The following HK1 variants were observed in gnomAD, a reference collection of about 807,000 sequenced individuals.
HK1 encodes hexokinase-1.
A neutral mutation model predicts 91.6 loss-of-function variants in HK1; 28 were observed. The ratio of observed to expected loss-of-function variants is 0.31; its 90% confidence interval spans 0.23 to 0.42. The LOEUF (loss-of-function observed/expected upper bound fraction) is 0.42. Ranked by LOEUF, HK1 falls within the 10% of genes least tolerant of loss-of-function variation. HK1 has a pLI of 1.00. For missense variants in HK1, 770 were observed against 1,219.8 expected, an observed-to-expected ratio of 0.63 and a Z score of 5.49; for synonymous variants, 430 against 468.1, an observed-to-expected ratio of 0.92 and a Z score of 1.05.
chr10:69,356,101 C>T (rs72807721), intron 2 of HK1, among the ~76,000 whole-genome samples: 4,634 of 152,202 alleles, frequency 0.03, 111 homozygotes, highest in African/African-American at 0.058. Flanking sequence ...ACTCCAAAAG[C>T]ACAAACAATA....
In HK1 at chr10:69,389,184, T is replaced by G; in HGVS notation, c.1936-13T>G. The G allele has an allele frequency of 6.2e-7, 1 of 1,608,514 alleles. No individual in the cohort carries two copies. The highest frequency in any genetic ancestry group is 1.1e-5 in the South Asian group (1 of 90,888). On this transcript the variant is annotated splice_polypyrimidine_tract_variant and intron_variant, in intron 13 of 17. Transcript: ENST00000359426. ...GATCCTATTCCTAAAGCTGTGTCCC[T>G]TTCTTTGCAAAGGAATTTGACCTGG...
In HK1 at chr10:69,326,043, C is replaced by T. The variant is rs547751766; in HGVS notation, c.63+7033C>T. 4.6e-5 allele frequency among the ~76,000 whole-genome samples: 7 copies of T among 151,754 alleles called. No individual in the cohort carries two copies. The South Asian group carries it at 1.5e-3, about 32-fold the overall frequency. ...TAGAGACGGGGTTTCACCGTGTTGG[C>T]CAGGCTGGTCTTGAATTCCTGACCT... On this transcript the variant is annotated intron_variant, in intron 1 of 17. Transcript: ENST00000359426.
chr10:69,373,721 G>T (rs1440972558), intron 7 of HK1, among the ~76,000 whole-genome samples: 1 of 151,890 alleles, frequency 6.6e-6, no homozygotes, highest in Non-Finnish European at 1.5e-5. Context: ...CTCCTGAGTA[G>T]CTGGGACCAC....
intron 2 of HK1, among the ~76,000 whole-genome samples, chr10:69,346,548 A>G (rs72807707): frequency 0.032 from 4,877 of 150,204 alleles, 132 homozygotes; most frequent in African/African-American, 0.064. Flanking sequence ...TGTTTTTGGT[A>G]TTTTGTAGAG....
At chr10:69,378,827 C>T (rs944149884) in intron 8 of HK1, among the ~76,000 whole-genome samples, 2 of 152,204 alleles carry the variant, frequency 1.3e-5, no homozygotes, top group Non-Finnish European at 2.9e-5. Context: ...CTCCTATTCT[C>T]GTATTACCTT....
chr10:69,373,760 T>A (rs919316958), intron 7 of HK1, among the ~76,000 whole-genome samples: 9 of 152,028 alleles, frequency 5.9e-5, no homozygotes, highest in African/African-American at 2.2e-4. Flanking sequence ...TGGCTAATTT[T>A]AAAATTTTTT....
In HK1 at chr10:69,369,701, A is replaced by C. The variant is rs74138365; in HGVS notation, c.875+77A>C. ...GATGAAAGATTTGGGATGGGAGATG[A>C]AAAGGGCATAAAGCCAAGTGATCAC... On this transcript the variant is annotated intron_variant, in intron 7 of 17. Transcript: ENST00000359426. This position sits in a 1 kb window ranked among gnomAD's most constrained non-coding sequence, Gnocchi z 4.4. The C allele has an allele frequency of 3.2e-3, 4,278 of 1,328,420 alleles. 94 individuals carry two copies. In the African/African-American group the frequency reaches 0.055, roughly 17 times the overall value. The allele number at this position is 1,328,420 out of a possible 1,614,324, so 82.3% of individuals were successfully genotyped here. A position where few individuals can be genotyped will look rare whatever the true frequency, so the allele number is the denominator to read the frequency against.
chr10:69,306,653 G>A (rs902903367), intron 5 of HK1, among the ~76,000 whole-genome samples: 5 of 152,220 alleles, frequency 3.3e-5, no homozygotes, highest in Admixed American at 1.3e-4. Flanking sequence ...TGCGTTTGGC[G>A]CAGGTGAAGG....
chr10:69,310,420 C>CAA lies in HK1; in HGVS notation c.27+9580_27+9581dup, dbSNP rs745830600. On this transcript the variant is annotated intron_variant, in intron 5 of 21. Coordinates refer to the HK1 transcript ENST00000360289. ...TGGGTGACAGAGCCAGACTTTGTCT[C>CAA]AAAAAAAAAAAAAAAAAAAAAATCC... Among the ~76,000 whole-genome samples, 117 of 85,210 alleles carry CAA rather than the reference C, an allele frequency of 1.4e-3. 1 individual carries two copies. The highest frequency in any genetic ancestry group is 9.4e-3 in the East Asian group (26 of 2,756). 55.9% of individuals were successfully genotyped at this position (85,210 alleles called of 152,430 possible).
chr10:69,382,335 A>G lies in HK1; in HGVS notation c.1266-152A>G, dbSNP rs1338155679. ...GGCAGCAGTGAGCTGTGATTGTGCC[A>G]TTGCACTCCAGCCTGGGTGACAGAG... On this transcript the variant is annotated intron_variant, in intron 9 of 17. Transcript: ENST00000359426. The G allele has an allele frequency of 3.4e-5, 27 of 800,204 alleles. No homozygotes were observed. The East Asian group carries it at 4.7e-4, about 14-fold the overall frequency. The allele number at this position is 800,204 out of a possible 1,614,324, so 49.6% of individuals were successfully genotyped here.
At chr10:69,352,181 C>A (rs1041204850) in intron 2 of HK1, among the ~76,000 whole-genome samples, 1 of 151,968 alleles carries the variant, frequency 6.6e-6, no homozygotes, top group Non-Finnish European at 1.5e-5. Flanking sequence ...TTAGTAGAGA[C>A]AGGGTTTCTC....
chr10:69,332,345 C>T (rs1847768789), intron 1 of HK1, among the ~76,000 whole-genome samples: 1 of 151,692 alleles, frequency 6.6e-6, no homozygotes, highest in Non-Finnish European at 1.5e-5. Flanking sequence ...CCATCAAGTT[C>T]CCTAGGCCTC....
chr10:69,381,528 G>T (rs1341685738), intron 9 of HK1, among the ~76,000 whole-genome samples: 1 of 149,870 alleles, frequency 6.7e-6, no homozygotes, highest in Non-Finnish European at 1.5e-5. Flanking sequence ...CACATAACAT[G>T]AAGTATATCA....
chr10:69,302,460 C>T (rs1175776478), intron 5 of HK1, among the ~76,000 whole-genome samples: 9 of 149,400 alleles, frequency 6.0e-5, no homozygotes, highest in South Asian at 4.3e-4. Flanking sequence ...CTGCAATCTC[C>T]GCCTCCCGGG....
intron 4 of HK1, among the ~76,000 whole-genome samples, chr10:69,298,289 A>G (rs901975038): frequency 1.4e-4 from 22 of 151,968 alleles, no homozygotes; most frequent in Middle Eastern, 6.8e-3. Flanking sequence ...AATTAGACTG[A>G]TCCTCACAAA....
Position 69,401,365 on chromosome 10 carries a change from G to A in HK1, c.*230G>A. The A allele has an allele frequency of 1.7e-6, 1 of 602,534 alleles. No homozygotes were observed. Among genetic ancestry groups the A allele is most frequent in the Non-Finnish European group, 3.0e-6 (1 of 338,852 alleles). 37.3% of individuals were successfully genotyped at this position (602,534 alleles called of 1,614,324 possible). Reference sequence around the variant, plus strand: ...CTCACTTGCCCTGCCACTTTGCATGGTTTGATTTTGACCTGGTCCCCCACG... The same window carrying A: ...CTCACTTGCCCTGCCACTTTGCATGATTTGATTTTGACCTGGTCCCCCACG... On this transcript the variant is annotated 3_prime_UTR_variant, in exon 18 of 18. Transcript: ENST00000359426.
chr10:69,399,026 C>T (rs1218420349), intron 17 of HK1, among the ~76,000 whole-genome samples, 198 bp downstream of exon 17: 1 of 152,258 alleles, frequency 6.6e-6, no homozygotes, highest in South Asian at 2.1e-4. Flanking sequence ...CTTAGGGAGA[C>T]AGAGAAGTGG....
At position 69,369,627 on chromosome 10, in the gene HK1, G is replaced by T. The variant is rs111870700; in HGVS notation, c.875+3G>T. On this transcript the variant is annotated splice_donor_region_variant and intron_variant, in intron 7 of 17. Transcript: ENST00000359426. The surrounding 1 kb of genome is among the most constrained non-coding windows in gnomAD (Gnocchi z 4.4). Reference sequence around the variant, plus strand: ...TCCCTCAACCCTGGAAAACAGCTGTGAGTCCTTGACTTTTGCTTCTAACCA... The same window carrying T: ...TCCCTCAACCCTGGAAAACAGCTGTTAGTCCTTGACTTTTGCTTCTAACCA... 1 of 1,613,332 alleles carries T rather than the reference G, an allele frequency of 6.2e-7. No individual in the cohort carries two copies. The highest frequency in any genetic ancestry group is 8.5e-7 in the Non-Finnish European group (1 of 1,179,654).
At chr10:69,382,406 G>T in intron 9 of HK1, 81 bp from the exon 10 acceptor site, 1 of 1,395,870 alleles carries the variant, frequency 7.2e-7, no homozygotes, top group South Asian at 1.2e-5. Context: ...GAGTTAAAGA[G>T]TGGAGAAAGA....
Sources: gnomAD v4.1 joint callset for allele counts (sites outside exome capture counted in the v4.1 genomes callset) on GRCh38, gnomAD v4.1.1 for gene constraint, Gnocchi (gnomAD v3.1) non-coding constraint, MANE v1.5 for transcripts, NCBI Gene and HGNC (gene_info 2026-07-23, HGNC 2026-07-21) for gene names.